TCF7L2: variants seen among roughly 807,000 people sequenced by gnomAD.
The protein encoded by TCF7L2 is transcription factor 7 like 2, also known as transcription factor 7-like 2.
TCF7L2 carries 23 observed loss-of-function variants against 77.9 expected under a neutral mutation model. The ratio of observed to expected loss-of-function variants is 0.30; its 90% CI spans 0.21 to 0.42. The LOEUF is 0.42. Ranked by LOEUF, TCF7L2 falls within the 10% of genes least tolerant of loss-of-function variation. The pLI, the probability that TCF7L2 is intolerant of heterozygous loss-of-function variation, is 1.00. For synonymous variants in TCF7L2, 413 were observed against 340.2 expected, an observed-to-expected ratio of 1.21 and a Z score of -2.36; for missense variants, 654 against 793.1, an observed-to-expected ratio of 0.82 and a Z score of 2.11.
intron 4 of TCF7L2, among the ~76,000 whole-genome samples, chr10:113,025,347 T>G (rs1368509675): frequency 2.0e-5 from 3 of 151,678 alleles, no homozygotes; most frequent in Non-Finnish European, 4.4e-5. Flanking sequence ...CAAGTGATTC[T>G]CCTGTCTCAG....
intron 4 of TCF7L2, among the ~76,000 whole-genome samples, chr10:113,009,613 C>T (rs887930135): frequency 2.0e-5 from 3 of 152,188 alleles, no homozygotes; most frequent in African/African-American, 7.2e-5. Context: ...AAATGTTCCT[C>T]AAGGGGGAAT....
intron 4 of TCF7L2, among the ~76,000 whole-genome samples, chr10:113,019,311 T>C (rs1192668548): frequency 6.6e-6 from 1 of 152,116 alleles, no homozygotes; most frequent in Non-Finnish European, 1.5e-5. Flanking sequence ...GCTTGCCTGA[T>C]TGACACAGTA....
chr10:113,144,110 GTGTGTGT>G (rs1024413445), intron 7 of TCF7L2, 85 bp downstream of exon 7: 1 of 486,178 alleles, frequency 2.1e-6, no homozygotes, highest in Non-Finnish European at 3.0e-6. Context: ...CTGTGTGTGT[GTGTGTGT>G]GTGTGTGTGT....
rs965801652 is a variant in TCF7L2, at chr10:113,122,508, C to T, written c.553-18676C>T. 2.6e-5 allele frequency among the ~76,000 whole-genome samples: 4 copies of T among 152,176 alleles called. No homozygotes were observed. In the East Asian group the frequency reaches 7.7e-4, roughly 29 times the overall value. The stretch of plus-strand genomic sequence containing the variant: ...TACATTCTCATTCTTATCTATATAC[C>T]ATTTCAGATAATTCCAAGTTGGTAA... On this transcript the variant is annotated intron_variant, in intron 5 of 13. Coordinates refer to ENST00000627217, the MANE Select transcript of TCF7L2 (RefSeq NM_001146274.2).
intron 5 of TCF7L2, among the ~76,000 whole-genome samples, chr10:113,045,495 C>T (rs1414716742): frequency 6.6e-6 from 1 of 152,088 alleles, no homozygotes; most frequent in Non-Finnish European, 1.5e-5. Context: ...GCCCTGGGAC[C>T]CCCAGGGAAC....
intron 4 of TCF7L2, among the ~76,000 whole-genome samples, chr10:113,003,283 C>CT (rs1410109465): frequency 2.6e-5 from 4 of 152,202 alleles, no homozygotes; most frequent in African/African-American, 9.6e-5. Flanking sequence ...TTTGGGGCCT[C>CT]TTTTTGATGC....
At chr10:113,076,543 C>A (rs1002963284) in intron 5 of TCF7L2, among the ~76,000 whole-genome samples, 1 of 152,174 alleles carries the variant, frequency 6.6e-6, no homozygotes, top group African/African-American at 2.4e-5. Context: ...TCCAGATTAC[C>A]TTGTAGGATT....
At chr10:113,019,811 T>C (rs919318687) in intron 4 of TCF7L2, among the ~76,000 whole-genome samples, 1 of 146,774 alleles carries the variant, frequency 6.8e-6, no homozygotes, top group African/African-American at 2.6e-5. Context: ...TTTTTTTTTT[T>C]CATGTGGACT....
At chr10:112,952,283 C>G (rs539707431) in intron 3 of TCF7L2, among the ~76,000 whole-genome samples, 1 of 152,330 alleles carries the variant, frequency 6.6e-6, no homozygotes, top group South Asian at 2.1e-4. Flanking sequence ...CCCCCTTCCC[C>G]TGGAAGGTCA....
chr10:113,165,730 C>T lies in TCF7L2; in HGVS notation c.1567C>T (p.Pro523Ser), dbSNP rs185631836. The change falls in exon 14 of 14, where the codon CCC (proline) becomes TCC (serine). Residue 523 changes from proline to serine, a missense_variant. Around this residue, in one of 6 missense-constraint regions of TCF7L2, gnomAD observed 272 missense variants for 215.4 expected, o/e 1.26. Coordinates refer to ENST00000627217, the MANE Select transcript of TCF7L2 (RefSeq NM_001146274.2). ...CCAGCCTCTGTCGCTGTCCCTGAAG[C>T]CCGACCCCCTGGCCCACCTGTCCAT... 6.2e-7 allele frequency: 1 copy of T among 1,612,668 alleles called. No homozygotes were observed. Among genetic ancestry groups the T allele is most frequent in the African/African-American group, 1.3e-5 (1 of 74,722 alleles).
At chr10:113,150,077 G>A (rs1012529016) in intron 8 of TCF7L2, among the ~76,000 whole-genome samples, 23 of 152,156 alleles carry the variant, frequency 1.5e-4, no homozygotes, top group African/African-American at 5.6e-4. Context: ...GTACTTGGTT[G>A]GGAAATGCCA....
chr10:112,975,650 T>C (rs2039277323), intron 4 of TCF7L2, among the ~76,000 whole-genome samples: 1 of 152,046 alleles, frequency 6.6e-6, no homozygotes, highest in Admixed American at 6.6e-5. Context: ...CTTGGCTAAT[T>C]TTTGTATTTT....
intron 5 of TCF7L2, among the ~76,000 whole-genome samples, chr10:113,104,540 C>A (rs2062037575): frequency 6.6e-6 from 1 of 152,156 alleles, no homozygotes; most frequent in African/African-American, 2.4e-5. Flanking sequence ...CAGGGCAATG[C>A]AGCCTGTGAT....
rs186706368 is a variant in TCF7L2 at position 113,151,390 on chromosome 10, C to G, written c.1001+267C>G. Among the ~76,000 whole-genome samples the G allele has an allele frequency of 9.9e-5, 15 of 152,140 alleles. No individual in the cohort carries two copies. In the East Asian group the frequency reaches 2.7e-3, roughly 27 times the overall value. Reference sequence around the variant, plus strand: ...GGGATTTGCAACCACTTCCCTGCCCCCTAACCGCATCATTGAACATTTAGA... The same window carrying G: ...GGGATTTGCAACCACTTCCCTGCCCGCTAACCGCATCATTGAACATTTAGA... On this transcript the variant is annotated intron_variant, in intron 9 of 13. Coordinates refer to ENST00000627217, the MANE Select transcript of TCF7L2 (RefSeq NM_001146274.2). The surrounding 1 kb of genome is among the most constrained non-coding windows in gnomAD (Gnocchi z 5.2).
chr10:113,036,665 C>CTTCTTTCTTTCTTTCTTTCT (rs71489996), intron 4 of TCF7L2, among the ~76,000 whole-genome samples: 334 of 150,916 alleles, frequency 2.2e-3, no homozygotes, highest in African/African-American at 6.0e-3. Flanking sequence ...CCAAGATGGC[C>CTTCTTTCTTTCTTTCTTTCT]TTCTTTCTTT....
At chr10:113,128,057 CAGGAGTGTGGTGGTCCGCGTGAATAGA>C (rs1219461048) in intron 5 of TCF7L2, among the ~76,000 whole-genome samples, 1 of 151,954 alleles carries the variant, frequency 6.6e-6, no homozygotes, top group East Asian at 1.9e-4. Context: ...AAGCAGCTGC[CAGGAGTGTGGTGGTCCGCGTGAATAGA>C]GGGAGAGAAG....
At position 112,950,625 on chromosome 10, in the gene TCF7L2, A is replaced by G; in HGVS notation, c.-132A>G. On this transcript the variant is annotated 5_prime_UTR_variant, in exon 1 of 14. Coordinates refer to ENST00000627217, the MANE Select transcript of TCF7L2 (RefSeq NM_001146274.2). ...GGAGAAAAAGACCCCCAAGCAGAAA[A>G]AAGTTCACCTTGGACTCGTCTTTTT... 2.8e-6 allele frequency: 3 copies of G among 1,070,694 alleles called. No homozygotes were observed. Among genetic ancestry groups the G allele is most frequent in the Middle Eastern group, 3.1e-4 (1 of 3,182 alleles). The allele number at this position is 1,070,694 out of a possible 1,614,324, so 66.3% of individuals were successfully genotyped here. A position where few individuals can be genotyped will look rare whatever the true frequency, so the allele number is the denominator to read the frequency against.
At position 112,964,593 on chromosome 10, in the gene TCF7L2, A is replaced by G; in HGVS notation, c.419A>G (p.Tyr140Cys). ...TCCGGCAGCACACATTACTCTGCGTACAAAACGATTGAACACCAGATTGCA... is the reference window on the plus strand; with the variant it reads ...TCCGGCAGCACACATTACTCTGCGTGCAAAACGATTGAACACCAGATTGCA... The change falls in exon 4 of 14, where the codon TAC becomes TGC. Residue 140 changes from tyrosine to cysteine, a missense_variant. By Grantham distance (194) the Tyr-to-Cys change is radical. This residue lies in a region of TCF7L2 where 132 missense variants were observed against 123.7 expected (regional missense o/e 1.07). Coordinates refer to ENST00000627217, the MANE Select transcript of TCF7L2 (RefSeq NM_001146274.2). 1 of 1,613,550 alleles carries G rather than the reference A, an allele frequency of 6.2e-7. No homozygotes were observed.
intron 5 of TCF7L2, chr10:113,126,850 G>C: frequency 1.0e-6 from 1 of 987,388 alleles, no homozygotes; most frequent in Non-Finnish European, 1.2e-6. Context: ...AGCCGGCAGC[G>C]GGAAGGACAG....
Sources: gnomAD v4.1 joint callset for allele counts (sites outside exome capture counted in the v4.1 genomes callset) on GRCh38, gnomAD v4.1.1 for gene constraint, gnomAD v4.1.1 regional missense constraint, Gnocchi (gnomAD v3.1) non-coding constraint, MANE v1.5 for transcripts, NCBI Gene and HGNC (gene_info 2026-07-23, HGNC 2026-07-21) for gene names.